The following PRKDC variants were observed in gnomAD, a reference collection of about 807,000 sequenced individuals.
PRKDC encodes DNA-dependent protein kinase catalytic subunit.
A neutral mutation model predicts 486.9 loss-of-function variants in PRKDC; 82 were observed. The observed-to-expected ratio is 0.17, with a 90% CI of 0.14 to 0.20. The LOEUF (loss-of-function observed/expected upper bound fraction) is 0.20, where lower values mean the gene tolerates loss of function less well. Among genes scored for constraint, PRKDC ranks in the 10% least tolerant of loss-of-function variants. The pLI, the probability that PRKDC is intolerant of heterozygous loss-of-function variation, is 1.00. For synonymous variants in PRKDC, 1,895 were observed against 1,837.0 expected (o/e 1.03, Z -0.81); for missense variants, 4,504 against 5,038.2 (o/e 0.89, Z 3.21).
At chr8:47,841,409 T>C (rs182813863) in intron 54 of PRKDC, among the ~76,000 whole-genome samples, 1 of 152,156 alleles carries the variant, frequency 6.6e-6, no homozygotes, top group Non-Finnish European at 1.5e-5. Flanking sequence ...CACGCCTATC[T>C]GTCAACTTCC....
intron 7 of PRKDC, among the ~76,000 whole-genome samples, chr8:47,952,372 A>G (rs1425761185): frequency 1.3e-5 from 2 of 152,248 alleles, no homozygotes; most frequent in African/African-American, 2.4e-5. Context: ...AGGAAAAGCT[A>G]CATACCATGA....
chr8:47,907,395 G>GAT, intron 25 of PRKDC, among the ~76,000 whole-genome samples: 1 of 121,752 alleles, frequency 8.2e-6, no homozygotes, highest in Non-Finnish European at 1.7e-5. Context: ...TGTATACATA[G>GAT]CTATATATAT....
intron 68 of PRKDC, among the ~76,000 whole-genome samples, chr8:47,812,908 C>A (rs1177373987): frequency 6.6e-6 from 1 of 151,688 alleles, no homozygotes; most frequent in Non-Finnish European, 1.5e-5. Context: ...GGGTTCCCTC[C>A]ACAGACACTA....
intron 62 of PRKDC, among the ~76,000 whole-genome samples, chr8:47,827,120 A>T (rs1481148815): frequency 7.9e-5 from 2 of 25,372 alleles, no homozygotes; most frequent in Non-Finnish European, 1.3e-4. Context: ...TATGAAGATC[A>T]CACACACACA....
intron 78 of PRKDC, among the ~76,000 whole-genome samples, chr8:47,783,407 G>T (rs1392144336): frequency 1.3e-5 from 2 of 151,932 alleles, no homozygotes; most frequent in Non-Finnish European, 2.9e-5. Context: ...AGCCAACATG[G>T]TGAAACCCTG....
At chr8:47,913,623 C>A (rs2089941950) in intron 24 of PRKDC, among the ~76,000 whole-genome samples, 1 of 152,146 alleles carries the variant, frequency 6.6e-6, no homozygotes, top group African/African-American at 2.4e-5. Flanking sequence ...AAACTCCTGA[C>A]CTCAAGTGAT....
At chr8:47,926,020 G>A (rs2154503357) in intron 21 of PRKDC, among the ~76,000 whole-genome samples, 1 of 152,234 alleles carries the variant, frequency 6.6e-6, no homozygotes, top group East Asian at 1.9e-4. Context: ...TAGGGTACAT[G>A]TTTAACAGGC....
intron 76 of PRKDC, among the ~76,000 whole-genome samples, chr8:47,786,138 C>A (rs534617186): frequency 3.8e-4 from 55 of 143,594 alleles, no homozygotes; most frequent in Non-Finnish European, 6.9e-4. Flanking sequence ...GTTGACCAGG[C>A]GCGGTGGCTC....
intron 59 of PRKDC, among the ~76,000 whole-genome samples, chr8:47,832,416 GAAC>G (rs1376432992): frequency 2.6e-5 from 4 of 152,150 alleles, no homozygotes; most frequent in Admixed American, 1.3e-4. Flanking sequence ...TTTCAAATAT[GAAC>G]AACACAAGCC....
chr8:47,895,122 G>A (rs1336421873), intron 30 of PRKDC, among the ~76,000 whole-genome samples: 2 of 152,114 alleles, frequency 1.3e-5, no homozygotes, highest in Non-Finnish European at 2.9e-5. Context: ...AGCTACTAAG[G>A]AGGTTGAGGC....
At chr8:47,808,905 C>G (rs2087268410) in intron 68 of PRKDC, among the ~76,000 whole-genome samples, 1 of 151,802 alleles carries the variant, frequency 6.6e-6, no homozygotes, top group Non-Finnish European at 1.5e-5. Context: ...GGCATGGTGG[C>G]GTGAGCCTGT....
chr8:47,863,644 T>C, intron 41 of PRKDC, 67 bp from the exon 42 acceptor site: 4 of 1,287,686 alleles, frequency 3.1e-6, no homozygotes, highest in Admixed American at 2.1e-5. Flanking sequence ...ATAGAATATA[T>C]CAAATTTAAT....
intron 85 of PRKDC, among the ~76,000 whole-genome samples, chr8:47,775,974 C>T (rs981281196): frequency 1.3e-5 from 2 of 152,102 alleles, no homozygotes; most frequent in African/African-American, 4.8e-5. Context: ...CAGGTGCGCA[C>T]CACCATGCCC....
rs1425041818 is a variant in PRKDC at position 47,789,175 on chromosome 8, G to A, written c.10734C>T (p.Leu3578=). 1.9e-6 allele frequency: 3 copies of A among 1,612,900 alleles called. No individual in the cohort carries two copies. In the Admixed American group the frequency reaches 5.0e-5, roughly 27 times the overall value. The part of the protein sequence containing the change: ...IQDFINALDQ[L]SNPELLFKDW... ...CCTTAAAGAGCAGTTCAGGATTAGA[G>A]AGCTGATCTAAGGCATTAATAAAAT... The change falls in exon 75 of 86, where the codon CTC becomes CTT. Residue 3578 remains leucine, a synonymous_variant. Coordinates refer to ENST00000314191, the MANE Select transcript of PRKDC (RefSeq NM_006904.7).
rs754093915 is a variant in PRKDC at position 47,900,848 on chromosome 8, C to CA, written c.3270-382dup. 3.1e-3 allele frequency among the ~76,000 whole-genome samples: 384 copies of CA among 124,626 alleles called. 3 individuals are homozygous for CA. Among genetic ancestry groups the CA allele is most frequent in the Middle Eastern group, 8.5e-3 (2 of 236 alleles). 81.8% of individuals were successfully genotyped at this position (124,626 alleles called of 152,430 possible). A position where few individuals can be genotyped will look rare whatever the true frequency, so the allele number is the denominator to read the frequency against. On this transcript the variant is annotated intron_variant, in intron 27 of 85. Transcript: ENST00000314191. ...TGGGCAACAGAGCAAGACTCCAGCT[C>CA]AAAAAAAAAAAAAATTGTTTTTTTG...
chr8:47,918,922 C>T (rs917065536), intron 21 of PRKDC, among the ~76,000 whole-genome samples: 5 of 151,838 alleles, frequency 3.3e-5, no homozygotes, highest in Non-Finnish European at 7.4e-5. Context: ...TGATGAGGAA[C>T]AAGACTATTT....
chr8:47,931,033 G>A (rs944520881), intron 16 of PRKDC, among the ~76,000 whole-genome samples: 10 of 152,344 alleles, frequency 6.6e-5, no homozygotes, highest in Admixed American at 6.5e-4. Flanking sequence ...AATGCCAGAG[G>A]TGGGCAGCAC....
intron 74 of PRKDC, among the ~76,000 whole-genome samples, chr8:47,790,971 C>CA (rs1336712460): frequency 3.3e-5 from 5 of 152,060 alleles, no homozygotes; most frequent in African/African-American, 9.7e-5. Context: ...AAAACAAAAA[C>CA]AAAAACAGGA....
At chr8:47,846,758 A>G (rs535018349) in intron 54 of PRKDC, among the ~76,000 whole-genome samples, 1 of 152,334 alleles carries the variant, frequency 6.6e-6, no homozygotes, top group Non-Finnish European at 1.5e-5. Context: ...AGAAAACCCT[A>G]AAGACTCTGA....
Sources: gnomAD v4.1 joint callset for allele counts (sites outside exome capture counted in the v4.1 genomes callset) on GRCh38, gnomAD v4.1.1 for gene constraint, MANE v1.5 for transcripts, NCBI Gene and HGNC (gene_info 2026-07-23, HGNC 2026-07-21) for gene names.